Variants in NEO1 observed in about 807,000 individuals in gnomAD.
NEO1 encodes neogenin 1.
Under a neutral mutation model 159.7 loss-of-function variants are expected in NEO1, and 63 were observed. The observed-to-expected ratio is 0.39, with a 90% CI of 0.32 to 0.49. NEO1 has a LOEUF of 0.49. Ranked by LOEUF, NEO1 falls within the 20% of genes least tolerant of loss-of-function variation. The pLI, the probability that NEO1 is intolerant of heterozygous loss-of-function variation, is 0.85. For synonymous variants in NEO1, 633 were observed against 662.0 expected, an observed-to-expected ratio of 0.96 and a Z score of 0.67; for missense variants, 1,615 against 1,831.0, an observed-to-expected ratio of 0.88 and a Z score of 2.15.
intron 25 of NEO1, among the ~76,000 whole-genome samples, chr15:73,291,646 G>A (rs889265630): frequency 6.6e-6 from 1 of 152,148 alleles, no homozygotes; most frequent in African/African-American, 2.4e-5. Context: ...TGCCAGGAAG[G>A]GTTTGCTGGT....
In NEO1 at chr15:73,123,349, AT is replaced by A. The variant is rs200739673; in HGVS notation, c.724+550del. On this transcript the variant is annotated intron_variant, in intron 3 of 28. Coordinates refer to ENST00000261908, the MANE Select transcript of NEO1 (RefSeq NM_002499.4). ...AATGGTATTCTTCTTGGTCAAAAAAATATTAGTGCTGTGTCTTTTGTCAAGC... is the reference window on the plus strand; with the variant it reads ...AATGGTATTCTTCTTGGTCAAAAAAAATTAGTGCTGTGTCTTTTGTCAAGC... Among the ~76,000 whole-genome samples, 122 of 152,294 alleles carry A rather than the reference AT, an allele frequency of 8.0e-4. 3 individuals carry two copies. The East Asian group carries it at 0.013, about 17-fold the overall frequency.
At chr15:73,233,728 A>C (rs1435718732) in intron 7 of NEO1, among the ~76,000 whole-genome samples, 1 of 152,076 alleles carries the variant, frequency 6.6e-6, no homozygotes, top group Admixed American at 6.5e-5. Context: ...GTTATCACTC[A>C]TTACTCCCAT....
At chr15:73,208,754 C>CAGGAGGCTGAGGTGGG (rs1435760364) in intron 7 of NEO1, among the ~76,000 whole-genome samples, 2 of 152,070 alleles carry the variant, frequency 1.3e-5, no homozygotes, top group African/African-American at 4.8e-5. Context: ...CCCAGCTGCT[C>CAGGAGGCTGAGGTGGG]AGGAGGCTGA....
At chr15:73,176,147 A>T (rs941807773) in intron 5 of NEO1, among the ~76,000 whole-genome samples, 2 of 152,230 alleles carry the variant, frequency 1.3e-5, no homozygotes, top group African/African-American at 4.8e-5. Flanking sequence ...CAACTTAGTA[A>T]ATAGTTCCAA....
intron 7 of NEO1, among the ~76,000 whole-genome samples, chr15:73,213,700 T>C (rs2037710263): frequency 6.6e-6 from 1 of 152,244 alleles, no homozygotes; most frequent in African/African-American, 2.4e-5. Flanking sequence ...TCCACGATTT[T>C]ACAGTTGCGA....
intron 11 of NEO1, among the ~76,000 whole-genome samples, chr15:73,252,258 A>C (rs1303810927): frequency 1.3e-5 from 2 of 152,224 alleles, no homozygotes; most frequent in African/African-American, 4.8e-5. Context: ...TTAGGAGAGA[A>C]GGGCTAAAGT....
chr15:73,149,230 G>A (rs762528919), intron 5 of NEO1, among the ~76,000 whole-genome samples: 1 of 151,658 alleles, frequency 6.6e-6, no homozygotes, highest in Admixed American at 6.6e-5. Flanking sequence ...CAGGAGAATC[G>A]CTTGAACCCT....
chr15:73,160,515 C>G (rs999667534), intron 5 of NEO1, among the ~76,000 whole-genome samples: 5 of 152,184 alleles, frequency 3.3e-5, no homozygotes, highest in Non-Finnish European at 2.9e-5. Context: ...ACTACCATCT[C>G]TCTTCAGGTG....
chr15:73,270,418 T>C lies in NEO1; in HGVS notation c.2821T>C (p.Trp941Arg). 6.2e-7 allele frequency: 1 copy of C among 1,614,036 alleles called. No homozygotes were observed. The highest frequency in any genetic ancestry group is 8.5e-7 in the Non-Finnish European group (1 of 1,180,030). Residue 941 changes from tryptophan (W) to arginine (R), a missense_variant, in exon 18 of 29, where the codon TGG (tryptophan) becomes CGG (arginine). By Grantham distance (101) the Trp-to-Arg change is moderately radical. Coordinates refer to ENST00000261908, the MANE Select transcript of NEO1 (RefSeq NM_002499.4). ...GACCAAAGGTCGAAGATCAAGTACATGGAGTATGACAGCCCATGGGACCAC... is the reference window on the plus strand; with the variant it reads ...GACCAAAGGTCGAAGATCAAGTACACGGAGTATGACAGCCCATGGGACCAC... The part of the protein sequence containing the change: ...MVTKGRRSST[W>R]SMTAHGTTFE...
At chr15:73,107,182 C>T (rs886405386) in intron 1 of NEO1, among the ~76,000 whole-genome samples, 2 of 152,102 alleles carry the variant, frequency 1.3e-5, no homozygotes, top group Admixed American at 1.3e-4. Flanking sequence ...TTTTTTAAAC[C>T]CACAAAAGAT....
At chr15:73,258,959 G>C (rs2040491344) in intron 14 of NEO1, 83 bp downstream of exon 14, 3 of 1,145,988 alleles carry the variant, frequency 2.6e-6, no homozygotes, top group African/African-American at 3.0e-5. Flanking sequence ...CACAGACTTG[G>C]GGTGGATATG....
intron 1 of NEO1, among the ~76,000 whole-genome samples, chr15:73,070,217 G>T (rs1276300932): frequency 6.6e-6 from 1 of 152,110 alleles, no homozygotes; most frequent in Non-Finnish European, 1.5e-5. Context: ...GTTCATCCTT[G>T]CTCAAATATG....
intron 4 of NEO1, among the ~76,000 whole-genome samples, chr15:73,134,369 T>C (rs967174015): frequency 2.0e-5 from 3 of 152,202 alleles, no homozygotes; most frequent in Non-Finnish European, 2.9e-5. Flanking sequence ...TGATTCTGGC[T>C]TTCAGCTTTC....
At chr15:73,147,247 A>G (rs2032976144) in intron 5 of NEO1, among the ~76,000 whole-genome samples, 1 of 152,212 alleles carries the variant, frequency 6.6e-6, no homozygotes. Context: ...TAATGTTCCC[A>G]GGGCTCAGAG....
intron 1 of NEO1, among the ~76,000 whole-genome samples, chr15:73,088,477 A>G (rs556235664): frequency 2.6e-5 from 4 of 152,224 alleles, no homozygotes; most frequent in African/African-American, 9.6e-5. Context: ...ACCTAAAAAC[A>G]TGTAGTTTCA....
intron 28 of NEO1, 53 bp from the exon 29 acceptor site, chr15:73,302,560 T>G: frequency 6.4e-7 from 1 of 1,556,068 alleles, no homozygotes; most frequent in South Asian, 1.1e-5. Context: ...TGGGCTCTCC[T>G]TTCTGAGCTG....
intron 7 of NEO1, among the ~76,000 whole-genome samples, chr15:73,199,847 G>A (rs2036756438): frequency 6.6e-6 from 1 of 152,122 alleles, no homozygotes; most frequent in South Asian, 2.1e-4. Flanking sequence ...CCTATATTGG[G>A]GAGGAACACT....
At chr15:73,155,017 GTT>G (rs570908947) in intron 5 of NEO1, among the ~76,000 whole-genome samples, 1 of 137,430 alleles carries the variant, frequency 7.3e-6, no homozygotes, top group African/African-American at 2.6e-5. Flanking sequence ...AAGTCTTTGT[GTT>G]TTTTTTTTTA....
chr15:73,217,403 G>A (rs1458648250), intron 7 of NEO1, among the ~76,000 whole-genome samples: 2 of 148,342 alleles, frequency 1.3e-5, no homozygotes, highest in African/African-American at 2.5e-5. Context: ...GGATTGACTT[G>A]GCGATGCGGG....
Sources: gnomAD v4.1 joint callset for allele counts (sites outside exome capture counted in the v4.1 genomes callset) on GRCh38, gnomAD v4.1.1 for gene constraint, MANE v1.5 for transcripts, NCBI Gene and HGNC (gene_info 2026-07-23, HGNC 2026-07-21) for gene names.